The following DDX4 variants were observed in gnomAD, a reference collection of about 807,000 sequenced individuals.
DDX4 encodes probable ATP-dependent RNA helicase DDX4.
In DDX4, 25 loss-of-function variants were observed where a neutral mutation model predicts 100.0. The observed-to-expected ratio is 0.25, with a 90% CI of 0.18 to 0.35. The LOEUF (loss-of-function observed/expected upper bound fraction) is 0.35. Among genes scored for constraint, DDX4 ranks in the 10% least tolerant of loss-of-function variants. DDX4 has a pLI of 1.00. For synonymous variants in DDX4, 259 were observed against 275.7 expected, an observed-to-expected ratio of 0.94 and a Z score of 0.60; for missense variants, 635 against 882.4, an observed-to-expected ratio of 0.72 and a Z score of 3.55.
chr5:55,755,637 C>G (rs1759878789), intron 3 of DDX4, among the ~76,000 whole-genome samples: 1 of 152,018 alleles, frequency 6.6e-6, no homozygotes, highest in African/African-American at 2.4e-5. Context: ...CCAGTAAGCT[C>G]CGGAACATGA....
intron 3 of DDX4, among the ~76,000 whole-genome samples, chr5:55,756,907 G>A (rs770969177): frequency 3.3e-5 from 5 of 151,708 alleles, no homozygotes; most frequent in Non-Finnish European, 7.4e-5. Flanking sequence ...GGGGATTGCC[G>A]TGATATATAT....
intron 8 of DDX4, among the ~76,000 whole-genome samples, chr5:55,780,552 T>G (rs1360104815): frequency 2.0e-5 from 3 of 152,200 alleles, no homozygotes; most frequent in African/African-American, 7.2e-5. Flanking sequence ...AAATTTGTAA[T>G]AATGATTTAA....
At chr5:55,746,802 C>A (rs149200350) in intron 3 of DDX4, among the ~76,000 whole-genome samples, 3 of 152,124 alleles carry the variant, frequency 2.0e-5, no homozygotes, top group African/African-American at 7.2e-5. Context: ...CTTGGGTTGT[C>A]CAACTCTATT....
At position 55,786,647 on chromosome 5, in the gene DDX4, G is replaced by A; in HGVS notation, c.994G>A (p.Ala332Thr). ...ILAGRDLMAC[A>T]QTGSGKTAAF... ...TGCAGGACGAGATTTGATGGCTTGC[G>A]CTCAAACAGGGTCTGGGAAGACTGT... The change falls in exon 14 of 22, where the codon GCT becomes ACT. Residue 332 changes from alanine to threonine, a missense_variant. Ala to Thr is a moderately conservative substitution (Grantham distance 58). Transcript: ENST00000505374. The A allele has an allele frequency of 2.5e-6, 4 of 1,613,212 alleles. No individual in the cohort carries two copies. Among genetic ancestry groups the A allele is most frequent in the East Asian group, 2.2e-5 (1 of 44,856 alleles).
intron 2 of DDX4, among the ~76,000 whole-genome samples, chr5:55,739,874 T>A (rs1198812526): frequency 6.6e-6 from 1 of 152,190 alleles, no homozygotes; most frequent in Non-Finnish European, 1.5e-5. Context: ...CTTGGAACTT[T>A]TTAAAAGAAA....
intron 14 of DDX4, among the ~76,000 whole-genome samples, chr5:55,787,218 C>A (rs1450765084): frequency 6.6e-6 from 1 of 152,098 alleles, no homozygotes; most frequent in African/African-American, 2.4e-5. Flanking sequence ...GAGGTCATAC[C>A]ATTTTAGTCT....
At chr5:55,777,287 G>A (rs1183613634) in intron 7 of DDX4, among the ~76,000 whole-genome samples, 1 of 152,104 alleles carries the variant, frequency 6.6e-6, no homozygotes, top group Non-Finnish European at 1.5e-5. Context: ...CATAATATAG[G>A]TAAGCATATT....
chr5:55,790,176 G>A (rs371087800), intron 15 of DDX4, among the ~76,000 whole-genome samples: 1 of 126,266 alleles, frequency 7.9e-6, no homozygotes, highest in African/African-American at 3.1e-5. Context: ...ATGGAGACTC[G>A]CTGTGTTGCC....
At chr5:55,756,611 T>A (rs1759952183) in intron 3 of DDX4, among the ~76,000 whole-genome samples, 1 of 152,150 alleles carries the variant, frequency 6.6e-6, no homozygotes, top group Admixed American at 6.5e-5. Context: ...ATAATTGGGT[T>A]CTTTTGCTTG....
intron 7 of DDX4, among the ~76,000 whole-genome samples, chr5:55,776,837 G>A (rs1004315826): frequency 2.6e-5 from 4 of 152,096 alleles, no homozygotes; most frequent in African/African-American, 9.7e-5. Context: ...AAAAAGATAT[G>A]TAAAACAGGT....
At chr5:55,739,635 TA>T (rs1207920275) in intron 2 of DDX4, among the ~76,000 whole-genome samples, 48 of 152,326 alleles carry the variant, frequency 3.2e-4, no homozygotes, top group African/African-American at 1.1e-3. Flanking sequence ...ATGTGTTACT[TA>T]CTATATGGTG....
intron 12 of DDX4, 84 bp downstream of exon 12, chr5:55,785,578 T>G: frequency 7.4e-7 from 1 of 1,346,048 alleles, no homozygotes; most frequent in East Asian, 2.3e-5. Context: ...CAAAGTTATC[T>G]TTTAAAAATT....
intron 3 of DDX4, among the ~76,000 whole-genome samples, chr5:55,748,705 C>T (rs1181517746): frequency 1.3e-5 from 2 of 151,494 alleles, no homozygotes; most frequent in Non-Finnish European, 2.9e-5. Context: ...TAAGCCAAGC[C>T]AATACCTAAA....
chr5:55,810,061 G>A (rs1744030242), intron 18 of DDX4, among the ~76,000 whole-genome samples: 1 of 152,080 alleles, frequency 6.6e-6, no homozygotes, highest in Admixed American at 6.6e-5. Flanking sequence ...TAGAGGCCGA[G>A]TATCACTTAT....
At chr5:55,802,498 A>G (rs1460087407) in intron 18 of DDX4, among the ~76,000 whole-genome samples, 1 of 152,130 alleles carries the variant, frequency 6.6e-6, no homozygotes, top group Non-Finnish European at 1.5e-5. Context: ...ATTTCATTGT[A>G]TATGTTAGGG....
At chr5:55,801,021 T>A (rs1464162865) in intron 18 of DDX4, among the ~76,000 whole-genome samples, 1 of 152,158 alleles carries the variant, frequency 6.6e-6, no homozygotes, top group African/African-American at 2.4e-5. Context: ...TCAAAGAGTT[T>A]ATTGAGCTCT....
intron 3 of DDX4, among the ~76,000 whole-genome samples, chr5:55,752,180 T>C (rs946586536): frequency 2.0e-5 from 3 of 152,052 alleles, no homozygotes; most frequent in Admixed American, 2.0e-4. Context: ...AATTTTTTTC[T>C]TTTCTATTTT....
chr5:55,764,034 G>T lies in DDX4; in HGVS notation c.304G>T (p.Glu102Ter). 1 of 1,610,962 alleles carries T rather than the reference G, an allele frequency of 6.2e-7. No homozygotes were observed. The highest frequency in any genetic ancestry group is 1.1e-5 in the South Asian group (1 of 90,954). The change falls in exon 6 of 22, where the codon GAA (glutamate) becomes TAA (stop). Residue 102 changes from glutamate to a stop codon, truncating the protein, a stop_gained. Coordinates refer to ENST00000505374, the MANE Select transcript of DDX4 (RefSeq NM_024415.3). LOFTEE classifies it high-confidence loss of function. ...TATAGGTTTTTCAAACAGCAGGTTTGAAGATGGTGATAGCTCTGGTTTCTG... is the reference window on the plus strand; with the variant it reads ...TATAGGTTTTTCAAACAGCAGGTTTTAAGATGGTGATAGCTCTGGTTTCTG... The part of the protein sequence containing the change: ...GNRGFSNSRF[E>*]DGDSSGFWRE...
intron 19 of DDX4, 111 bp downstream of exon 19, chr5:55,813,883 TC>T: frequency 8.0e-7 from 1 of 1,244,170 alleles, no homozygotes; most frequent in Non-Finnish European, 1.0e-6. Context: ...GATTCAGAAT[TC>T]TCTCAGATCT....
Sources: allele counts gnomAD v4.1 joint callset (sites outside exome capture counted in the v4.1 genomes callset), GRCh38; gene constraint gnomAD v4.1.1; transcripts MANE v1.5; gene names NCBI Gene and HGNC (gene_info 2026-07-23, HGNC 2026-07-21).